TEKT5: variants seen among roughly 807,000 people sequenced by gnomAD.
TEKT5 encodes the protein tektin 5.
A neutral mutation model predicts 48.7 loss-of-function variants in TEKT5; 52 were observed. The observed-to-expected ratio is 1.07, with a 90% confidence interval of 0.86 to 1.35. TEKT5 has a LOEUF of 1.35. TEKT5 is among the 40% of genes most tolerant of loss of function. The probability of loss-of-function intolerance (pLI) is 0.00; values close to 1 mark genes in which losing one functional copy is unlikely to be tolerated. For synonymous variants in TEKT5, 318 were observed against 267.6 expected (o/e 1.19, Z -1.84); for missense variants, 831 against 641.6 (o/e 1.30, Z -3.19).
chr16:10,690,975 C>T (rs1898964045), intron 1 of TEKT5, among the ~76,000 whole-genome samples: 1 of 152,162 alleles, frequency 6.6e-6, no homozygotes, highest in Non-Finnish European at 1.5e-5. Flanking sequence ...CTGGGGATAG[C>T]ACAACGAACC....
chr16:10,631,358 C>CGGG (rs113859011), intron 6 of TEKT5, among the ~76,000 whole-genome samples: 788 of 25,402 alleles, frequency 0.031, 13 homozygotes, highest in African/African-American at 0.076. Context: ...GGGGTGGGGG[C>CGGG]GGGGGAGGGT....
intron 5 of TEKT5, among the ~76,000 whole-genome samples, chr16:10,652,580 A>G (rs928910984): frequency 1.1e-3 from 67 of 63,234 alleles, no homozygotes; most frequent in African/African-American, 2.0e-3. Context: ...GCCAGGTAGA[A>G]TGATCCCTTA....
At position 10,642,493 on chromosome 16, in the gene TEKT5, C is replaced by A. The variant is rs181786062; in HGVS notation, c.1087-6575G>T. Among the ~76,000 whole-genome samples, 407 of 152,252 alleles carry A rather than the reference C, an allele frequency of 2.7e-3. 6 individuals carry two copies. Among genetic ancestry groups the A allele is most frequent in the Admixed American group, 0.02 (313 of 15,282 alleles). On this transcript the variant is annotated intron_variant, in intron 5 of 6. Transcript: ENST00000283025. ...TGGAAACCATAACAAAGGCTCCTGC[C>A]CACGTTTCTCCCCCTCCCTCCCTCC...
At chr16:10,692,623 A>C (rs540603703) in intron 1 of TEKT5, 5 of 152,330 alleles carry the variant, frequency 3.3e-5, no homozygotes, top group African/African-American at 9.6e-5. Flanking sequence ...TCCAGGGTCC[A>C]TGAGAGTGCT....
intron 5 of TEKT5, among the ~76,000 whole-genome samples, chr16:10,642,634 C>G (rs984017699): frequency 1.3e-5 from 2 of 152,162 alleles, no homozygotes; most frequent in African/African-American, 4.8e-5. Context: ...CTTAGTCTGG[C>G]TTCTTTTACT....
At chr16:10,667,275 C>T (rs998349107) in intron 5 of TEKT5, among the ~76,000 whole-genome samples, 1 of 152,184 alleles carries the variant, frequency 6.6e-6, no homozygotes, top group Non-Finnish European at 1.5e-5. Context: ...TGAGCCACCA[C>T]GCCTGGCTTC....
rs545823388 is a variant in TEKT5, at chr16:10,675,995, C to T, written c.1050G>A (p.Thr350=). ...GCGTCTGCAGCTTATTCTTCACATC[C>T]GTCACCTCAGAGATGCGGGCGTTGA... ...LAFNARISEV[T]DVKNKLQTQL... Residue 350 remains threonine, a synonymous_variant, in exon 5 of 7, where the codon ACG becomes ACA. Coordinates refer to ENST00000283025, the MANE Select transcript of TEKT5 (RefSeq NM_144674.2). The T allele has an allele frequency of 1.3e-5, 21 of 1,614,210 alleles. No individual in the cohort carries two copies. Among genetic ancestry groups the T allele is most frequent in the African/African-American group, 5.3e-5 (4 of 75,048 alleles).
chr16:10,663,115 G>A (rs1397609275), intron 5 of TEKT5, among the ~76,000 whole-genome samples: 1 of 152,148 alleles, frequency 6.6e-6, no homozygotes, highest in Non-Finnish European at 1.5e-5. Context: ...CTCTGGCCAT[G>A]CATGGGGTGT....
chr16:10,654,836 G>C (rs2541556), intron 5 of TEKT5, among the ~76,000 whole-genome samples: 101,870 of 150,918 alleles, frequency 0.68, 35,017 homozygotes, highest in African/African-American at 0.8. Flanking sequence ...TCTATATATC[G>C]TATTGCTTCT....
rs563338326 is a variant in TEKT5, at chr16:10,687,816, A to G, written c.719+1437T>C. ...GATTTTATTTACTGAATTGATTTTT[A>G]TTTATTTTATTTTATTTTTTAAGCC... is the stretch of plus-strand genomic sequence containing the variant. On this transcript the variant is annotated intron_variant, in intron 3 of 6. Transcript: ENST00000283025. Among the ~76,000 whole-genome samples the G allele has an allele frequency of 1.8e-3, 280 of 152,316 alleles. 1 individual carries two copies. Among genetic ancestry groups the G allele is most frequent in the Middle Eastern group, 3.4e-3 (1 of 294 alleles).
intron 1 of TEKT5, 22 bp downstream of exon 1, chr16:10,694,288 C>G: frequency 6.5e-7 from 1 of 1,545,158 alleles, no homozygotes; most frequent in Non-Finnish European, 8.7e-7. Context: ...AGCCACAGCC[C>G]TGTCCCCACC....
intron 3 of TEKT5, among the ~76,000 whole-genome samples, chr16:10,686,921 C>T (rs1220601421): frequency 6.6e-6 from 1 of 152,166 alleles, no homozygotes; most frequent in African/African-American, 2.4e-5. Context: ...AGAAGAAAAT[C>T]CTGTCATTTG....
At chr16:10,645,705 G>C (rs1056168389) in intron 5 of TEKT5, among the ~76,000 whole-genome samples, 17 of 152,220 alleles carry the variant, frequency 1.1e-4, no homozygotes, top group Admixed American at 2.6e-4. Flanking sequence ...GGGAGGCTGA[G>C]ACAGGAAAAT....
chr16:10,634,452 G>C (rs2142257671), intron 6 of TEKT5, among the ~76,000 whole-genome samples: 1 of 152,268 alleles, frequency 6.6e-6, no homozygotes, highest in Admixed American at 6.5e-5. Flanking sequence ...GCAGAATAAG[G>C]TTTATGGAGC....
chr16:10,686,551 G>C (rs1276633426), intron 3 of TEKT5, among the ~76,000 whole-genome samples: 1 of 152,054 alleles, frequency 6.6e-6, no homozygotes, highest in African/African-American at 2.4e-5. Flanking sequence ...CATGACATTG[G>C]TCTGGACAAC....
intron 5 of TEKT5, among the ~76,000 whole-genome samples, chr16:10,659,641 G>A (rs949247808): frequency 2.6e-5 from 4 of 152,150 alleles, no homozygotes; most frequent in South Asian, 2.1e-4. Context: ...GATTACAGGC[G>A]TGAGCCACCA....
At chr16:10,647,262 G>A (rs1294459631) in intron 5 of TEKT5, among the ~76,000 whole-genome samples, 1 of 151,880 alleles carries the variant, frequency 6.6e-6, no homozygotes, top group Non-Finnish European at 1.5e-5. Flanking sequence ...TTGAGTCCAG[G>A]AATTCGACCA....
Position 10,676,196 on chromosome 16 carries a change from G to A in TEKT5, c.864-15C>T. On this transcript the variant is annotated splice_polypyrimidine_tract_variant and intron_variant, in intron 4 of 6. Coordinates refer to ENST00000283025, the MANE Select transcript of TEKT5 (RefSeq NM_144674.2). ...GTACGGAGATCCTGCAAAGGCACAAGGGTGAGTTGCAGCAGTCCTGGAAGA... is the reference window on the plus strand; with the variant it reads ...GTACGGAGATCCTGCAAAGGCACAAAGGTGAGTTGCAGCAGTCCTGGAAGA... 3 of 1,613,398 alleles carry A rather than the reference G, an allele frequency of 1.9e-6. No homozygotes were observed. Among genetic ancestry groups the A allele is most frequent in the Non-Finnish European group, 2.5e-6 (3 of 1,179,342 alleles).
intron 5 of TEKT5, among the ~76,000 whole-genome samples, chr16:10,660,328 G>A (rs577824207): frequency 6.6e-6 from 1 of 152,232 alleles, no homozygotes; most frequent in African/African-American, 2.4e-5. Context: ...TGGGCCACAT[G>A]CCCCCACCTT....
Sources: gnomAD v4.1 joint callset for allele counts (sites outside exome capture counted in the v4.1 genomes callset) on GRCh38, gnomAD v4.1.1 for gene constraint, MANE v1.5 for transcripts, NCBI Gene and HGNC (gene_info 2026-07-23, HGNC 2026-07-21) for gene names.